The following PNLDC1 variants were observed in gnomAD, a reference collection of about 807,000 sequenced individuals.
The protein encoded by PNLDC1 is poly(A)-specific ribonuclease PNLDC1.
A neutral mutation model predicts 82.0 loss-of-function variants in PNLDC1; 70 were observed. That is an observed-to-expected ratio of 0.85 (90% CI 0.70 to 1.04). The LOEUF (loss-of-function observed/expected upper bound fraction) is 1.04, where lower values mean the gene tolerates loss of function less well. Among genes scored for constraint, PNLDC1 ranks in the 50% least tolerant of loss-of-function variants. PNLDC1 has a pLI of 0.00. For missense variants in PNLDC1, 631 were observed against 661.1 expected (o/e 0.95, Z 0.50); for synonymous variants, 280 against 249.3 (o/e 1.12, Z -1.16).
At position 159,804,070 on chromosome 6, in the gene PNLDC1, T is replaced by C; in HGVS notation, c.354T>C (p.Tyr118=). ...QASSVQFLNQ[Y]GFNYNKFLKN... ...CCAGTGTTCAGTTTTTGAATCAGTA[T>C]GGCTTCAACTATAACAAGGTATGGC... Residue 118 remains tyrosine (Y), a synonymous_variant, in exon 5 of 19, where the codon TAT becomes TAC. Coordinates refer to ENST00000392167, the MANE Select transcript of PNLDC1 (RefSeq NM_001271862.2). 1 of 1,613,744 alleles carries C rather than the reference T, an allele frequency of 6.2e-7. No individual in the cohort carries two copies. The highest frequency in any genetic ancestry group is 1.1e-5 in the South Asian group (1 of 90,958).
chr6:159,818,790 C>T (rs773169291), intron 16 of PNLDC1, 136 bp downstream of exon 16: 4 of 1,200,148 alleles, frequency 3.3e-6, no homozygotes, highest in Non-Finnish European at 4.7e-6. Context: ...TCTTTCCTCT[C>T]ATGTTTCTCC....
chr6:159,804,780 G>A (rs1336761328), intron 6 of PNLDC1, 143 bp downstream of exon 6: 4 of 614,500 alleles, frequency 6.5e-6, no homozygotes, highest in African/African-American at 3.7e-5. Flanking sequence ...TGCAGCTGGC[G>A]CTGCTCTCCC....
chr6:159,817,300 T>C, intron 15 of PNLDC1, 149 bp downstream of exon 15: 2 of 780,274 alleles, frequency 2.6e-6, no homozygotes, highest in Middle Eastern at 2.4e-4. Flanking sequence ...TGTCCCTGAC[T>C]GGGCAGCAGC....
At chr6:159,816,084 T>C in intron 13 of PNLDC1, 51 bp downstream of exon 13, 4 of 1,386,842 alleles carry the variant, frequency 2.9e-6, no homozygotes, top group Non-Finnish European at 3.9e-6. Flanking sequence ...AGTGCTGAGG[T>C]GCTCAGCTGA....
At chr6:159,816,411 G>A (rs1349869401) in intron 13 of PNLDC1, 132 bp from the exon 14 acceptor site, 2 of 824,194 alleles carry the variant, frequency 2.4e-6, no homozygotes, top group African/African-American at 3.3e-5. Context: ...AAGTTGGTGT[G>A]TGGGCCTGGA....
intron 5 of PNLDC1, 63 bp from the exon 6 acceptor site, chr6:159,804,486 A>G (rs1057274615): frequency 5.3e-6 from 6 of 1,123,122 alleles, no homozygotes; most frequent in Middle Eastern, 2.0e-4. Flanking sequence ...TCGTGAAATC[A>G]GGCACAGAGG....
In PNLDC1 at chr6:159,800,396, G is replaced by A. The variant is rs1781195731; in HGVS notation, c.76+13G>A. 2 of 1,547,310 alleles carry A rather than the reference G, an allele frequency of 1.3e-6. No homozygotes were observed. The highest frequency in any genetic ancestry group is 4.9e-5 in the East Asian group (2 of 40,870). On this transcript the variant is annotated intron_variant, in intron 1 of 18. Coordinates refer to ENST00000392167, the MANE Select transcript of PNLDC1 (RefSeq NM_001271862.2). ...GCCGACTTCGTGGGTGAAGAGCCTG[G>A]GATTCGCGGCTGTGCCGGACAGAGC...
chr6:159,810,295 C>A (rs1367967171), intron 10 of PNLDC1, among the ~76,000 whole-genome samples, 200 bp downstream of exon 10: 2 of 152,120 alleles, frequency 1.3e-5, no homozygotes, highest in Non-Finnish European at 2.9e-5. Context: ...GAGACTTTGT[C>A]AAGGGGGAAA....
intron 5 of PNLDC1, 84 bp downstream of exon 5, chr6:159,804,172 A>G: frequency 6.7e-7 from 1 of 1,500,428 alleles, no homozygotes; most frequent in South Asian, 1.2e-5. Flanking sequence ...GCTGGAGTGC[A>G]GTGGTGCAAT....
chr6:159,808,497 A>G (rs941505984), intron 7 of PNLDC1, among the ~76,000 whole-genome samples: 3 of 150,174 alleles, frequency 2.0e-5, no homozygotes, highest in Non-Finnish European at 4.4e-5. Flanking sequence ...CACAAGCTCT[A>G]TGGCATCCCC....
chr6:159,805,954 CAT>C (rs759886143), intron 6 of PNLDC1, 27 bp from the exon 7 acceptor site: 52 of 1,546,226 alleles, frequency 3.4e-5, no homozygotes, highest in Non-Finnish European at 4.4e-5. Context: ...TTTTCTCTGA[CAT>C]GTTCACTTTC....
intron 14 of PNLDC1, 83 bp from the exon 15 acceptor site, chr6:159,817,025 GA>G: frequency 7.4e-7 from 1 of 1,349,728 alleles, no homozygotes; most frequent in South Asian, 1.2e-5. Flanking sequence ...ATTTATTTCA[GA>G]TTGGCTTGCA....
intron 18 of PNLDC1, among the ~76,000 whole-genome samples, chr6:159,820,021 G>A (rs1286931672): frequency 6.6e-6 from 1 of 152,202 alleles, no homozygotes; most frequent in East Asian, 1.9e-4. Flanking sequence ...TGTGAGAGCA[G>A]TCAGGAAGGA....
Position 159,804,071 on chromosome 6 carries a change from G to C in PNLDC1, c.355G>C (p.Gly119Arg), listed in dbSNP as rs753057402. 8 of 1,613,700 alleles carry C rather than the reference G, an allele frequency of 5.0e-6. No individual in the cohort carries two copies. Among genetic ancestry groups the C allele is most frequent in the Admixed American group, 1.7e-5 (1 of 59,884 alleles). The change falls in exon 5 of 19, where the codon GGC (glycine) becomes CGC (arginine). Residue 119 changes from glycine (G) to arginine (R), a missense_variant. Physicochemically the swap from Gly to Arg is moderately radical, Grantham distance 125. Transcript: ENST00000392167. ...ASSVQFLNQY[G>R]FNYNKFLKNG... ...CAGTGTTCAGTTTTTGAATCAGTAT[G>C]GCTTCAACTATAACAAGGTATGGCA... is the stretch of plus-strand genomic sequence containing the variant.
At chr6:159,805,538 G>A (rs538700628) in intron 6 of PNLDC1, 3 of 153,200 alleles carry the variant, frequency 2.0e-5, no homozygotes, top group African/African-American at 4.8e-5. Context: ...TTCAAGAGTT[G>A]GAGAAAGGCC....
intron 6 of PNLDC1, 78 bp downstream of exon 6, chr6:159,804,715 TC>T: frequency 9.1e-7 from 1 of 1,097,064 alleles, no homozygotes; most frequent in Non-Finnish European, 1.4e-6. Flanking sequence ...GCGTGCCGTT[TC>T]CAGGAGTGTG....
At position 159,800,846 on chromosome 6, in the gene PNLDC1, G is replaced by A. The variant is rs569002394; in HGVS notation, c.134+17G>A. The A allele has an allele frequency of 5.0e-6, 8 of 1,614,020 alleles. No individual in the cohort carries two copies. Among genetic ancestry groups the A allele is most frequent in the African/African-American group, 1.3e-5 (1 of 75,036 alleles). Reference sequence around the variant, plus strand: ...GCAGATCAGGTAAAACTAAAGCTGTGTCCCCTCTGTATAAGAGCCTGGCCA... The same window carrying A: ...GCAGATCAGGTAAAACTAAAGCTGTATCCCCTCTGTATAAGAGCCTGGCCA... On this transcript the variant is annotated intron_variant, in intron 2 of 18. Transcript: ENST00000392167.
chr6:159,814,439 TC>T (rs1399471905), intron 12 of PNLDC1, among the ~76,000 whole-genome samples: 1 of 152,178 alleles, frequency 6.6e-6, no homozygotes, highest in Non-Finnish European at 1.5e-5. Context: ...AACTCCCAGC[TC>T]CTGTGTACCG....
upstream of PNLDC1, chr6:159,800,157 CAGCACACGGGGAAGCTG>C (rs1781178852): frequency 1.6e-6 from 1 of 640,466 alleles, no homozygotes; most frequent in Admixed American, 3.1e-5. Context: ...GCGACGCCAG[CAGCACACGGGGAAGCTG>C]GGCACGTGGG....
Sources: allele counts gnomAD v4.1 joint callset (sites outside exome capture counted in the v4.1 genomes callset), GRCh38; gene constraint gnomAD v4.1.1; transcripts MANE v1.5; gene names NCBI Gene and HGNC (gene_info 2026-07-23, HGNC 2026-07-21).